Variants in PCDHGB3 observed in about 807,000 individuals in gnomAD.
PCDHGB3 encodes protocadherin gamma subfamily B, 3.
In PCDHGB3, 40 loss-of-function variants were observed where a neutral mutation model predicts 59.2. The observed-to-expected ratio is 0.68, with a 90% CI of 0.52 to 0.88. The LOEUF (loss-of-function observed/expected upper bound fraction) is 0.88. Ranked by LOEUF, PCDHGB3 falls within the 40% of genes least tolerant of loss-of-function variation. The pLI, the probability that PCDHGB3 is intolerant of heterozygous loss-of-function variation, is 0.00. For missense variants in PCDHGB3, 1,309 were observed against 1,187.9 expected (o/e 1.10, Z -1.50); for synonymous variants, 581 against 503.6 (o/e 1.15, Z -2.06).
intron 1 of PCDHGB3, chr5:141,383,413 C>T (rs1160072155): frequency 6.2e-7 from 1 of 1,614,020 alleles, no homozygotes. Context: ...GAGTTACCAG[C>T]TCAGCCCCAA....
Position 141,431,724 on chromosome 5 carries a change from T to C in PCDHGB3, c.2415+58915T>C, listed in dbSNP as rs758754345. The C allele has an allele frequency of 6.2e-7, 1 of 1,614,036 alleles. No individual in the cohort carries two copies. Among genetic ancestry groups the C allele is most frequent in the Non-Finnish European group, 8.5e-7 (1 of 1,180,036 alleles). On this transcript the variant is annotated intron_variant, in intron 1 of 3. Coordinates refer to ENST00000576222, the MANE Select transcript of PCDHGB3 (RefSeq NM_018924.5). This position sits in a 1 kb window ranked among gnomAD's most constrained non-coding sequence, Gnocchi z 4.8. The stretch of plus-strand genomic sequence containing the variant: ...TTCTACCAGATGGAAGTGCAAGCAA[T>C]GGATAATGCAGGATATTCTGCGCGA...
intron 1 of PCDHGB3, among the ~76,000 whole-genome samples, chr5:141,407,609 TG>T (rs2094960291): frequency 1.3e-5 from 2 of 152,162 alleles, no homozygotes; most frequent in Admixed American, 1.3e-4. Flanking sequence ...AAAGAAGCAT[TG>T]GTTGACATTC....
In PCDHGB3 at chr5:141,372,242, G is replaced by C. The variant is rs965293763; in HGVS notation, c.1848G>C (p.Leu616=). 1.9e-6 allele frequency: 3 copies of C among 1,613,274 alleles called. No homozygotes were observed. Among genetic ancestry groups the C allele is most frequent in the Non-Finnish European group, 2.5e-6 (3 of 1,179,786 alleles). Residue 616 remains leucine, a synonymous_variant, in exon 1 of 4, where the codon CTG becomes CTC. Coordinates refer to ENST00000576222, the MANE Select transcript of PCDHGB3 (RefSeq NM_018924.5). ...YHIVQASEPG[L]FSLGLRTGEV... is the part of the protein sequence containing the mutation. The stretch of plus-strand genomic sequence containing the variant: ...TTGTGCAGGCCAGCGAGCCCGGGCT[G>C]TTCAGCCTGGGCCTGCGCACGGGTG...
rs1254438724 is a variant in PCDHGB3 at position 141,389,817 on chromosome 5, C to T, written c.2415+17008C>T. 17 of 1,613,870 alleles carry T rather than the reference C, an allele frequency of 1.1e-5. No homozygotes were observed. Among genetic ancestry groups the T allele is most frequent in the Non-Finnish European group, 1.4e-5 (16 of 1,179,892 alleles). On this transcript the variant is annotated intron_variant, in intron 1 of 3. Transcript: ENST00000576222. ...CCGCCAGCGCCTTCTGGTCGCCGTG[C>T]GTGACGGTGGACAGCCACCACTCTC...
intron 1 of PCDHGB3, chr5:141,383,125 G>T: frequency 6.2e-7 from 1 of 1,614,062 alleles, no homozygotes. Context: ...GCAGCTTTTC[G>T]CCCTGAACCA....
Position 141,370,727 on chromosome 5 carries a change from A to G in PCDHGB3, c.333A>G (p.Glu111=). The change falls in exon 1 of 4, where the codon GAA becomes GAG. Residue 111 remains glutamate (E), a synonymous_variant. Coordinates refer to ENST00000576222, the MANE Select transcript of PCDHGB3 (RefSeq NM_018924.5). ...TCVLEFEMVA[E]KPLNFFHVTV... is the part of the protein sequence containing the mutation. ...TTCTGGAATTTGAAATGGTTGCTGAAAAGCCTTTAAACTTTTTTCATGTAA... is the reference window on the plus strand; with the variant it reads ...TTCTGGAATTTGAAATGGTTGCTGAGAAGCCTTTAAACTTTTTTCATGTAA... 1 of 1,613,856 alleles carries G rather than the reference A, an allele frequency of 6.2e-7. No individual in the cohort carries two copies. The highest frequency in any genetic ancestry group is 8.5e-7 in the Non-Finnish European group (1 of 1,179,890).
intron 2 of PCDHGB3, among the ~76,000 whole-genome samples, chr5:141,497,859 G>A (rs188372194): frequency 2.0e-4 from 31 of 152,134 alleles, no homozygotes; most frequent in Middle Eastern, 6.8e-3. Context: ...TTGATTCAGC[G>A]GCTCCAAAGT....
chr5:141,414,615 G>T, intron 1 of PCDHGB3: 1 of 1,613,962 alleles, frequency 6.2e-7, no homozygotes, highest in Non-Finnish European at 8.5e-7. Flanking sequence ...CAGTGACAGC[G>T]CTGGACCCGG....
chr5:141,490,181 G>T lies in PCDHGB3; in HGVS notation c.2416-4626G>T, dbSNP rs755899660. ...GGTCCCATAGACTTTGAGGAGTCAC[G>T]TTTCTATGAAATTCATGCAAGAGCC... is the stretch of plus-strand genomic sequence containing the variant. On this transcript the variant is annotated intron_variant, in intron 1 of 3. Coordinates refer to ENST00000576222, the MANE Select transcript of PCDHGB3 (RefSeq NM_018924.5). The surrounding 1 kb of genome is among the most constrained non-coding windows in gnomAD (Gnocchi z 5.4). The T allele has an allele frequency of 6.2e-7, 1 of 1,614,200 alleles. No individual in the cohort carries two copies. The highest frequency in any genetic ancestry group is 8.5e-7 in the Non-Finnish European group (1 of 1,180,030).
At chr5:141,442,759 A>G (rs2098341868) in intron 1 of PCDHGB3, among the ~76,000 whole-genome samples, 1 of 152,152 alleles carries the variant, frequency 6.6e-6, no homozygotes, top group Non-Finnish European at 1.5e-5. Flanking sequence ...GATTATATAT[A>G]TTTGTATGTG....
In PCDHGB3 at chr5:141,486,574, C is replaced by T. The variant is rs1435813800; in HGVS notation, c.2416-8233C>T. On this transcript the variant is annotated intron_variant, in intron 1 of 3. Transcript: ENST00000576222. This position sits in a 1 kb window ranked among gnomAD's most constrained non-coding sequence, Gnocchi z 5.0. ...CACATGAGGTGTTTGTTCCTGAGAACAATCGCCCAGGGGACCTGCTTTGCT... is the reference window on the plus strand; with the variant it reads ...CACATGAGGTGTTTGTTCCTGAGAATAATCGCCCAGGGGACCTGCTTTGCT... The T allele has an allele frequency of 1.9e-6, 3 of 1,613,868 alleles. No homozygotes were observed. Among genetic ancestry groups the T allele is most frequent in the Non-Finnish European group, 2.5e-6 (3 of 1,180,002 alleles).
At chr5:141,389,354 G>A in intron 1 of PCDHGB3, 5 of 1,613,934 alleles carry the variant, frequency 3.1e-6, no homozygotes, top group African/African-American at 2.7e-5. Flanking sequence ...ACTGCATCAT[G>A]GCCAGTGACC....
chr5:141,510,833 C>T (rs2099882936), intron 3 of PCDHGB3, 114 bp from the exon 4 acceptor site: 46 of 1,577,678 alleles, frequency 2.9e-5, no homozygotes, highest in South Asian at 2.5e-4. Context: ...CAGTGCTCAG[C>T]GTGGTCAAGG....
At chr5:141,393,707 T>TG in intron 1 of PCDHGB3, 2 of 1,613,882 alleles carry the variant, frequency 1.2e-6, no homozygotes, top group South Asian at 2.2e-5. Context: ...ATGAAAATAC[T>TG]GGGGAAATAT....
intron 1 of PCDHGB3, chr5:141,416,112 T>C (rs555358881): frequency 6.4e-6 from 1 of 156,492 alleles, no homozygotes; most frequent in Non-Finnish European, 1.4e-5. Context: ...TTTTTCAAAC[T>C]ACATTTTATA....
chr5:141,450,900 C>T (rs907024071), intron 1 of PCDHGB3, among the ~76,000 whole-genome samples: 9 of 151,048 alleles, frequency 6.0e-5, no homozygotes, highest in Non-Finnish European at 1.2e-4. Flanking sequence ...TATCGGCTCA[C>T]TGCAACCGCT....
intron 1 of PCDHGB3, among the ~76,000 whole-genome samples, chr5:141,455,138 T>C (rs1393664563): frequency 6.6e-6 from 1 of 151,028 alleles, no homozygotes; most frequent in Non-Finnish European, 1.5e-5. Context: ...TTACACTGTG[T>C]TAAATAAATA....
intron 2 of PCDHGB3, among the ~76,000 whole-genome samples, chr5:141,505,026 G>A (rs190826538): frequency 4.6e-5 from 7 of 152,316 alleles, no homozygotes; most frequent in African/African-American, 1.7e-4. Context: ...GCCTGGCACA[G>A]TGGCAGGTGC....
intron 1 of PCDHGB3, chr5:141,378,176 C>A (rs541529562): frequency 6.6e-6 from 1 of 152,124 alleles, no homozygotes; most frequent in South Asian, 2.1e-4. Context: ...AACTAAGCAC[C>A]GATGCTGTGT....
Sources: allele counts gnomAD v4.1 joint callset (sites outside exome capture counted in the v4.1 genomes callset), GRCh38; gene constraint gnomAD v4.1.1; non-coding constraint Gnocchi (gnomAD v3.1); transcripts MANE v1.5; gene names NCBI Gene and HGNC (gene_info 2026-07-23, HGNC 2026-07-21).